KTN1: variants seen among roughly 807,000 people sequenced by gnomAD.
KTN1 encodes kinectin 1.
KTN1 carries 130 observed loss-of-function variants against 222.5 expected under a neutral mutation model. That is an observed-to-expected ratio of 0.58 (90% CI 0.51 to 0.68). KTN1 has a LOEUF of 0.68. Ranked by LOEUF, KTN1 falls within the 30% of genes least tolerant of loss-of-function variation. The pLI is 0.00. For synonymous variants in KTN1, 512 were observed against 496.3 expected (o/e 1.03, Z -0.42); for missense variants, 1,508 against 1,500.4 (o/e 1.01, Z -0.08).
intron 18 of KTN1, among the ~76,000 whole-genome samples, chr14:55,646,554 T>TTCCTTCTC (rs2042379707): frequency 8.6e-6 from 1 of 116,210 alleles, no homozygotes; most frequent in Non-Finnish European, 1.9e-5. Context: ...CCTTCTCTCT[T>TTCCTTCTC]TCTCTCTCTT....
intron 18 of KTN1, chr14:55,644,263 A>C: frequency 1.8e-6 from 1 of 548,644 alleles, no homozygotes; most frequent in Non-Finnish European, 3.3e-6. Flanking sequence ...TCTATCCCAC[A>C]GTCAGAATTC....
chr14:55,634,404 T>C, intron 8 of KTN1, 122 bp from the exon 9 acceptor site: 1 of 730,710 alleles, frequency 1.4e-6, no homozygotes, highest in Non-Finnish European at 2.1e-6. Context: ...TTGTGTTCTG[T>C]TTCAGTTGGG....
intron 33 of KTN1, 75 bp downstream of exon 33, chr14:55,664,116 C>A (rs542230156): frequency 3.3e-6 from 3 of 922,894 alleles, no homozygotes; most frequent in African/African-American, 1.7e-5. Flanking sequence ...CAGACTAAAG[C>A]ATTTACTTTT....
At chr14:55,648,152 T>C (rs1354080366) in intron 20 of KTN1, 37 bp downstream of exon 20, 1 of 1,017,090 alleles carries the variant, frequency 9.8e-7, no homozygotes, top group Non-Finnish European at 1.5e-6. Context: ...CTTGTGATTA[T>C]TCAGTGACAT....
intron 12 of KTN1, among the ~76,000 whole-genome samples, 174 bp from the exon 13 acceptor site, chr14:55,639,011 A>C (rs544473166): frequency 7.2e-5 from 11 of 151,926 alleles, no homozygotes; most frequent in African/African-American, 2.6e-4. Flanking sequence ...TTGGTGATCA[A>C]ACTTGCTTTC....
intron 25 of KTN1, 108 bp downstream of exon 25, chr14:55,652,035 C>G (rs547118511): frequency 1.4e-6 from 1 of 695,560 alleles, no homozygotes; most frequent in South Asian, 2.0e-5. Flanking sequence ...TTAGAAAATA[C>G]GAAAATACTG....
Position 55,612,308 on chromosome 14 carries a change from CA to C in KTN1, c.261del (p.Asp88MetfsTer5). On this transcript the variant is annotated frameshift_variant, in exon 2 of 44. Coordinates refer to ENST00000395314, the MANE Select transcript of KTN1 (RefSeq NM_001079521.2). LOFTEE classifies it high-confidence loss of function. ...SESVPRDFKL[S>X]DALAVEDDQV... ...AGTGTACCTCGAGACTTTAAATTAT[CA>C]GATGCTTTGGCAGTAGAAGATGATC... 6.2e-7 allele frequency: 1 copy of C among 1,613,670 alleles called. No homozygotes were observed. The highest frequency in any genetic ancestry group is 8.5e-7 in the Non-Finnish European group (1 of 1,179,942).
At chr14:55,644,342 T>C (rs1206220538) in intron 18 of KTN1, 1 of 701,366 alleles carries the variant, frequency 1.4e-6, no homozygotes, top group African/African-American at 1.7e-5. Flanking sequence ...CCATGGATTT[T>C]TATTCTGGAG....
At chr14:55,582,132 T>C (rs2031814887) in intron 1 of KTN1, among the ~76,000 whole-genome samples, 1 of 152,214 alleles carries the variant, frequency 6.6e-6, no homozygotes, top group Admixed American at 6.5e-5. Flanking sequence ...TGAAAAATTT[T>C]CTTAATACTT....
chr14:55,658,118 G>GA (rs1407272512), intron 29 of KTN1, among the ~76,000 whole-genome samples: 1 of 152,098 alleles, frequency 6.6e-6, no homozygotes, highest in Non-Finnish European at 1.5e-5. Context: ...GTCAATATCT[G>GA]AAGACATTTT....
At chr14:55,624,811 G>GA (rs2039592879) in intron 5 of KTN1, among the ~76,000 whole-genome samples, 1 of 152,276 alleles carries the variant, frequency 6.6e-6, no homozygotes, top group African/African-American at 2.4e-5. Context: ...GAGCTTGGGG[G>GA]AATGATCAAC....
chr14:55,644,139 A>G (rs771611061), intron 18 of KTN1: 2 of 382,076 alleles, frequency 5.2e-6, no homozygotes, highest in Non-Finnish European at 9.4e-6. Context: ...TGGCAGACAA[A>G]GAATCATTTC....
intron 33 of KTN1, among the ~76,000 whole-genome samples, chr14:55,666,579 G>A (rs1226476742): frequency 6.6e-6 from 1 of 151,776 alleles, no homozygotes; most frequent in Non-Finnish European, 1.5e-5. Context: ...TTAGACATTT[G>A]TAATATTTGT....
At chr14:55,657,393 TGAC>T (rs767418007) in intron 29 of KTN1, among the ~76,000 whole-genome samples, 1 of 140,020 alleles carries the variant, frequency 7.1e-6, no homozygotes, top group Non-Finnish European at 1.6e-5. Flanking sequence ...TCCACTGAGT[TGAC>T]GTTTTTTTTT....
chr14:55,666,914 TAA>T (rs1333500671), intron 33 of KTN1, among the ~76,000 whole-genome samples: 2 of 152,000 alleles, frequency 1.3e-5, no homozygotes, highest in Non-Finnish European at 2.9e-5. Context: ...GTTTTAGCTA[TAA>T]GAAATGCTTT....
Position 55,649,772 on chromosome 14 carries a change from C to T in KTN1, c.2368-4C>T. 5 of 1,490,114 alleles carry T rather than the reference C, an allele frequency of 3.4e-6. No individual in the cohort carries two copies. Among genetic ancestry groups the T allele is most frequent in the Non-Finnish European group, 4.6e-6 (5 of 1,080,156 alleles). The allele number at this position is 1,490,114 out of a possible 1,614,324, so 92.3% of individuals were successfully genotyped here. A position where few individuals can be genotyped will look rare whatever the true frequency, so the allele number is the denominator to read the frequency against. On this transcript the variant is annotated splice_polypyrimidine_tract_variant and splice_region_variant and intron_variant, in intron 21 of 43. Transcript: ENST00000395314. ...TACTAAGTAGGATACTTTCCTATTTCCAGGTTTCTTTTGCCTCTCTAGTTG... is the reference window on the plus strand; with the variant it reads ...TACTAAGTAGGATACTTTCCTATTTTCAGGTTTCTTTTGCCTCTCTAGTTG...
intron 1 of KTN1, among the ~76,000 whole-genome samples, chr14:55,591,686 T>G (rs915625553): frequency 4.0e-5 from 6 of 150,762 alleles, no homozygotes; most frequent in Non-Finnish European, 8.8e-5. Flanking sequence ...CCTCCCAGGT[T>G]CAAGCGATTC....
chr14:55,655,271 G>A (rs1362276434), intron 28 of KTN1, among the ~76,000 whole-genome samples: 1 of 152,126 alleles, frequency 6.6e-6, no homozygotes, highest in Non-Finnish European at 1.5e-5. Context: ...GAGCCACCAT[G>A]CTCACCCTTG....
Position 55,648,778 on chromosome 14 carries a change from T to C in KTN1, c.2299-24T>C, listed in dbSNP as rs74053645. 9,189 of 1,495,406 alleles carry C rather than the reference T, an allele frequency of 6.1e-3. 292 individuals are homozygous for C. The African/African-American group carries it at 0.081, about 13-fold the overall frequency. 92.6% of individuals were successfully genotyped at this position (1,495,406 alleles called of 1,614,324 possible). ...TATTTTTCAGAGAGTAAAATCATGT[T>C]TTGCTTATGTGTCTTTGAAAAAGGC... On this transcript the variant is annotated intron_variant, in intron 20 of 43. Coordinates refer to ENST00000395314, the MANE Select transcript of KTN1 (RefSeq NM_001079521.2).
Sources: allele counts gnomAD v4.1 joint callset (sites outside exome capture counted in the v4.1 genomes callset), GRCh38; gene constraint gnomAD v4.1.1; transcripts MANE v1.5; gene names NCBI Gene and HGNC (gene_info 2026-07-23, HGNC 2026-07-21).